Variants in PKP4 observed in about 807,000 individuals in gnomAD.
The protein encoded by PKP4 is plakophilin-4.
Under a neutral mutation model 145.1 loss-of-function variants are expected in PKP4, and 90 were observed. That is an observed-to-expected ratio of 0.62 (90% CI 0.52 to 0.74). The LOEUF (loss-of-function observed/expected upper bound fraction) is 0.74. Ranked by LOEUF, PKP4 falls within the 30% of genes least tolerant of loss-of-function variation. PKP4 has a pLI of 0.00. For synonymous variants in PKP4, 563 were observed against 577.2 expected (o/e 0.98, Z 0.35); for missense variants, 1,340 against 1,482.7 (o/e 0.90, Z 1.58).
At chr2:158,560,026 C>T (rs546188918) in intron 2 of PKP4, among the ~76,000 whole-genome samples, 127 of 152,276 alleles carry the variant, frequency 8.3e-4, no homozygotes, top group African/African-American at 2.8e-3. Flanking sequence ...ACCACCACGC[C>T]TGGCTAATTT....
intron 1 of PKP4, among the ~76,000 whole-genome samples, chr2:158,512,339 G>C (rs569757468): frequency 1.3e-5 from 2 of 152,348 alleles, no homozygotes; most frequent in African/African-American, 4.8e-5. Context: ...TTTGGAAAAG[G>C]TGATTTAAAC....
chr2:158,593,536 T>G (rs749063708), intron 3 of PKP4, among the ~76,000 whole-genome samples: 4 of 152,184 alleles, frequency 2.6e-5, no homozygotes, highest in Non-Finnish European at 5.9e-5. Flanking sequence ...ACTCTTTTAT[T>G]CATAGATTCA....
intron 14 of PKP4, 45 bp from the exon 15 acceptor site, chr2:158,663,227 C>A: frequency 1.9e-6 from 3 of 1,577,180 alleles, no homozygotes; most frequent in Non-Finnish European, 2.6e-6. Context: ...TATTGGAGAT[C>A]ATGTTCATTC....
chr2:158,568,552 A>C (rs2047181347), intron 2 of PKP4, among the ~76,000 whole-genome samples: 3 of 152,190 alleles, frequency 2.0e-5, no homozygotes, highest in Admixed American at 2.0e-4. Flanking sequence ...TACATAGCAG[A>C]CCACTGAAAA....
At position 158,640,766 on chromosome 2, in the gene PKP4, G is replaced by C; in HGVS notation, c.1695+7G>C. The C allele has an allele frequency of 1.2e-6, 2 of 1,613,942 alleles. No homozygotes were observed. Among genetic ancestry groups the C allele is most frequent in the Non-Finnish European group, 8.5e-7 (1 of 1,179,876 alleles). On this transcript the variant is annotated splice_region_variant and intron_variant, in intron 10 of 21. Coordinates refer to ENST00000389759, the MANE Select transcript of PKP4 (RefSeq NM_003628.6). ...CAACAAAGTGAAGATGGAGGTACAG[G>C]ACATGGTGCCTGGGATGACTGGGGA...
chr2:158,474,744 T>G (rs1371791665), intron 1 of PKP4, among the ~76,000 whole-genome samples: 3 of 152,156 alleles, frequency 2.0e-5, no homozygotes, highest in East Asian at 3.9e-4. Flanking sequence ...TCTCCCACAC[T>G]AGCTGCTGCT....
intron 4 of PKP4, among the ~76,000 whole-genome samples, chr2:158,609,733 A>T (rs916184032): frequency 1.7e-4 from 26 of 152,212 alleles, no homozygotes; most frequent in African/African-American, 6.0e-4. Flanking sequence ...CTACTGCAGC[A>T]TCATTTTCTA....
intron 1 of PKP4, among the ~76,000 whole-genome samples, chr2:158,484,223 A>G (rs1574041034): frequency 6.7e-6 from 1 of 150,254 alleles, no homozygotes; most frequent in South Asian, 2.1e-4. Context: ...AATTTTTTGT[A>G]TTTTTAGTAG....
At chr2:158,600,068 A>G (rs2050097516) in intron 3 of PKP4, among the ~76,000 whole-genome samples, 1 of 152,240 alleles carries the variant, frequency 6.6e-6, no homozygotes, top group African/African-American at 2.4e-5. Flanking sequence ...ATGTAATATT[A>G]TGATGAAGGC....
At chr2:158,661,195 T>C (rs16843186) in intron 12 of PKP4, 138 bp from the exon 13 acceptor site, 3 of 608,728 alleles carry the variant, frequency 4.9e-6, no homozygotes, top group Non-Finnish European at 3.0e-6. Context: ...GATGTTACCA[T>C]GCAAGCCCCC....
chr2:158,677,265 C>T (rs758551524), intron 20 of PKP4: 9 of 266,588 alleles, frequency 3.4e-5, no homozygotes, highest in Non-Finnish European at 5.2e-5. Context: ...TAGACTGGCT[C>T]ATCTCTTAAA....
intron 2 of PKP4, among the ~76,000 whole-genome samples, chr2:158,561,050 C>T (rs763542489): frequency 2.6e-5 from 4 of 152,290 alleles, no homozygotes; most frequent in South Asian, 2.1e-4. Flanking sequence ...ATGTTTTATA[C>T]AATTTTTAAT....
intron 1 of PKP4, among the ~76,000 whole-genome samples, chr2:158,480,026 AT>A (rs1412698557): frequency 6.6e-6 from 1 of 152,138 alleles, no homozygotes; most frequent in Non-Finnish European, 1.5e-5. Context: ...TTAGACGTTG[AT>A]TCTGAACTGC....
At chr2:158,603,719 C>T (rs925171881) in intron 4 of PKP4, among the ~76,000 whole-genome samples, 1 of 152,164 alleles carries the variant, frequency 6.6e-6, no homozygotes, top group Non-Finnish European at 1.5e-5. Flanking sequence ...GTGCTGTGCA[C>T]ATTGCTGGGC....
rs1360544958 is a variant in PKP4 at position 158,547,937 on chromosome 2, T to C, written c.132+14621T>C. Among the ~76,000 whole-genome samples the C allele has an allele frequency of 2.0e-5, 3 of 152,112 alleles. No individual in the cohort carries two copies. In the East Asian group the frequency reaches 5.8e-4, roughly 29 times the overall value. Reference sequence around the variant, plus strand: ...CGGCCAACAAGGCTCAAGACCGGAGTTCAAGTCTGTGCTGAGGCTGGGTGA... The same window carrying C: ...CGGCCAACAAGGCTCAAGACCGGAGCTCAAGTCTGTGCTGAGGCTGGGTGA... On this transcript the variant is annotated intron_variant, in intron 2 of 21. Transcript: ENST00000389759.
chr2:158,497,530 A>G lies in PKP4; in HGVS notation c.-5-35650A>G, dbSNP rs554116471. ...ATTCTCTAAAATCTGGCTTTAAAAA[A>G]CAGTCTGTCAGTTATTCTGGAAACT... On this transcript the variant is annotated intron_variant, in intron 1 of 21. Transcript: ENST00000389759. Among the ~76,000 whole-genome samples, 14 of 152,248 alleles carry G rather than the reference A, an allele frequency of 9.2e-5. No homozygotes were observed. The South Asian group carries it at 2.5e-3, about 27-fold the overall frequency.
intron 1 of PKP4, chr2:158,457,699 A>G (rs891641713): frequency 6.6e-6 from 1 of 152,640 alleles, no homozygotes; most frequent in African/African-American, 2.4e-5. Flanking sequence ...CTAGCCCCAG[A>G]TCCTGCACCT....
intron 2 of PKP4, among the ~76,000 whole-genome samples, chr2:158,554,807 C>T (rs2045951306): frequency 6.6e-6 from 1 of 152,066 alleles, no homozygotes. Flanking sequence ...CTTAATATAC[C>T]AAACTCTTAC....
intron 11 of PKP4, among the ~76,000 whole-genome samples, chr2:158,655,930 A>C (rs997221182): frequency 1.3e-5 from 2 of 152,204 alleles, no homozygotes; most frequent in Non-Finnish European, 2.9e-5. Context: ...CTCTCCTGCT[A>C]TGCCTTGACC....
Sources: gnomAD v4.1 joint callset for allele counts (sites outside exome capture counted in the v4.1 genomes callset) on GRCh38, gnomAD v4.1.1 for gene constraint, MANE v1.5 for transcripts, NCBI Gene and HGNC (gene_info 2026-07-23, HGNC 2026-07-21) for gene names.